The following TMEM132D variants were observed in gnomAD, a reference collection of about 807,000 sequenced individuals.
TMEM132D encodes the protein mature OL transmembrane protein.
Under a neutral mutation model 62.3 loss-of-function variants are expected in TMEM132D, and 21 were observed. The observed-to-expected ratio is 0.34, with a 90% CI of 0.24 to 0.49. TMEM132D has a LOEUF of 0.49. Ranked by LOEUF, TMEM132D falls within the 20% of genes least tolerant of loss-of-function variation. TMEM132D has a pLI of 0.99. For synonymous variants in TMEM132D, 621 were observed against 575.6 expected (o/e 1.08, Z -1.13); for missense variants, 1,346 against 1,402.8 (o/e 0.96, Z 0.65).
At chr12:129,590,300 A>AACTGCCACATTCTGAC (rs1227934388) in intron 2 of TMEM132D, among the ~76,000 whole-genome samples, 3 of 152,132 alleles carry the variant, frequency 2.0e-5, no homozygotes, top group African/African-American at 4.8e-5. Flanking sequence ...ACCACGTCAG[A>AACTGCCACATTCTGAC]ACTGCCACAT....
intron 2 of TMEM132D, among the ~76,000 whole-genome samples, chr12:129,566,164 A>G (rs1331283205): frequency 6.6e-6 from 1 of 152,222 alleles, no homozygotes; most frequent in Admixed American, 6.5e-5. Flanking sequence ...TTTGACAAAG[A>G]TTTTCTGAAA....
intron 1 of TMEM132D, among the ~76,000 whole-genome samples, chr12:129,893,816 C>A (rs1039568256): frequency 1.3e-5 from 2 of 152,246 alleles, no homozygotes; most frequent in Non-Finnish European, 2.9e-5. Context: ...TTCACTCACA[C>A]ATCTGGAAAC....
intron 7 of TMEM132D, among the ~76,000 whole-genome samples, chr12:129,081,494 T>A (rs951481329): frequency 1.3e-5 from 2 of 152,230 alleles, no homozygotes; most frequent in Admixed American, 1.3e-4. Context: ...GAGATGGGGT[T>A]TCGCCATGTT....
chr12:129,846,038 G>A (rs1873351650), intron 1 of TMEM132D, among the ~76,000 whole-genome samples: 1 of 152,212 alleles, frequency 6.6e-6, no homozygotes, highest in Admixed American at 6.5e-5. Context: ...CCATGGCAAT[G>A]ATAAACCAAC....
Position 129,074,099 on chromosome 12 carries a change from CAAT to C in TMEM132D, c.3073_3075del (p.Ile1025del). ...GGCTCACTTTTCTGATCTTTCCCAT[CAAT>C]GATGATGGGTCCCAAAGGTTTGAAC... On this transcript the variant is annotated inframe_deletion, in exon 9 of 9. Transcript: ENST00000422113. 1 of 1,614,140 alleles carries C rather than the reference CAAT, an allele frequency of 6.2e-7. No individual in the cohort carries two copies. The highest frequency in any genetic ancestry group is 8.5e-7 in the Non-Finnish European group (1 of 1,180,036).
At chr12:129,546,289 A>G (rs915617133) in intron 2 of TMEM132D, among the ~76,000 whole-genome samples, 2 of 152,206 alleles carry the variant, frequency 1.3e-5, no homozygotes, top group African/African-American at 4.8e-5. Context: ...GTTTTTTCTC[A>G]TATGAATAAA....
chr12:129,278,743 G>A (rs933323128), intron 4 of TMEM132D, among the ~76,000 whole-genome samples: 6 of 152,158 alleles, frequency 3.9e-5, no homozygotes, highest in African/African-American at 1.4e-4. Context: ...CCGCTAAACG[G>A]GTCCCAAACT....
intron 4 of TMEM132D, among the ~76,000 whole-genome samples, chr12:129,249,137 A>T (rs1042992709): frequency 8.5e-5 from 13 of 152,222 alleles, no homozygotes; most frequent in African/African-American, 3.1e-4. Flanking sequence ...ACAGCTCATT[A>T]AGCAATAATG....
intron 4 of TMEM132D, among the ~76,000 whole-genome samples, chr12:129,240,805 C>T (rs1032031545): frequency 2.6e-5 from 4 of 152,072 alleles, no homozygotes; most frequent in Admixed American, 6.6e-5. Context: ...AAACTTGGTC[C>T]GCTTCAGGTT....
intron 4 of TMEM132D, among the ~76,000 whole-genome samples, chr12:129,263,363 G>T (rs1049164265): frequency 6.6e-6 from 1 of 152,158 alleles, no homozygotes; most frequent in Non-Finnish European, 1.5e-5. Flanking sequence ...TGTTCTAAGT[G>T]CCTAGCTTAC....
At chr12:129,355,102 G>A (rs1869997754) in intron 3 of TMEM132D, among the ~76,000 whole-genome samples, 1 of 152,152 alleles carries the variant, frequency 6.6e-6, no homozygotes, top group African/African-American at 2.4e-5. Context: ...CCGATACTGT[G>A]TCTAAAAATC....
intron 4 of TMEM132D, among the ~76,000 whole-genome samples, chr12:129,260,303 G>A (rs1219639197): frequency 3.3e-5 from 5 of 152,152 alleles, no homozygotes; most frequent in African/African-American, 1.2e-4. Flanking sequence ...GGGCTGAAAT[G>A]AACAAAGAGG....
chr12:129,212,969 C>G (rs1156420259), intron 4 of TMEM132D, among the ~76,000 whole-genome samples: 1 of 152,158 alleles, frequency 6.6e-6, no homozygotes, highest in Non-Finnish European at 1.5e-5. Flanking sequence ...TTGAGCCAGC[C>G]TGGAAGTAGA....
intron 2 of TMEM132D, among the ~76,000 whole-genome samples, chr12:129,638,117 G>A (rs1160277273): frequency 6.6e-6 from 1 of 152,220 alleles, no homozygotes; most frequent in African/African-American, 2.4e-5. Context: ...GGCTGGAAGA[G>A]ATCTTCCATC....
intron 5 of TMEM132D, among the ~76,000 whole-genome samples, chr12:129,193,090 G>A (rs573245463): frequency 5.3e-5 from 8 of 151,632 alleles, no homozygotes; most frequent in African/African-American, 1.9e-4. Context: ...CCCGGGAGGC[G>A]GAGCTTGCAG....
chr12:129,643,846 CAT>C (rs1491507627), intron 2 of TMEM132D, among the ~76,000 whole-genome samples: 1 of 117,712 alleles, frequency 8.5e-6, no homozygotes, highest in Non-Finnish European at 1.9e-5. Context: ...ACCAATGTAC[CAT>C]TTTTTTTTTT....
intron 2 of TMEM132D, among the ~76,000 whole-genome samples, chr12:129,615,310 C>T (rs1042756293): frequency 4.6e-5 from 7 of 152,098 alleles, no homozygotes; most frequent in African/African-American, 7.2e-5. Context: ...ATGAATCTTC[C>T]GTCAAGCTCA....
At chr12:129,250,013 G>A (rs182434877) in intron 4 of TMEM132D, among the ~76,000 whole-genome samples, 9 of 152,236 alleles carry the variant, frequency 5.9e-5, no homozygotes, top group African/African-American at 4.8e-5. Flanking sequence ...GGCGTACCCC[G>A]CTGAGACCTC....
At chr12:129,293,880 G>A (rs902462761) in intron 4 of TMEM132D, among the ~76,000 whole-genome samples, 6 of 152,120 alleles carry the variant, frequency 3.9e-5, no homozygotes, top group Non-Finnish European at 5.9e-5. Flanking sequence ...AACCAGCCAC[G>A]GACCAATACT....
Sources: allele counts gnomAD v4.1 joint callset (sites outside exome capture counted in the v4.1 genomes callset), GRCh38; gene constraint gnomAD v4.1.1; transcripts MANE v1.5; gene names NCBI Gene and HGNC (gene_info 2026-07-23, HGNC 2026-07-21).